CNTNAP4: variants seen among roughly 807,000 people sequenced by gnomAD.
The protein encoded by CNTNAP4 is contactin-associated protein-like 4.
In CNTNAP4, 98 loss-of-function variants were observed where a neutral mutation model predicts 148.4. The observed-to-expected ratio is 0.66, with a 90% CI of 0.56 to 0.78. The LOEUF (loss-of-function observed/expected upper bound fraction) is 0.78, where lower values mean the gene tolerates loss of function less well. CNTNAP4 is among the 30% of genes least tolerant of loss of function. The probability of loss-of-function intolerance (pLI) is 0.00; values close to 1 mark genes in which losing one functional copy is unlikely to be tolerated. For missense variants in CNTNAP4, 1,935 were observed against 1,565.6 expected (o/e 1.24, Z -3.98); for synonymous variants, 730 against 565.1 (o/e 1.29, Z -4.14).
At chr16:76,413,046 G>T (rs1005065709) in intron 3 of CNTNAP4, among the ~76,000 whole-genome samples, 3 of 151,340 alleles carry the variant, frequency 2.0e-5, no homozygotes, top group Non-Finnish European at 4.4e-5. Flanking sequence ...CATGCAGTGT[G>T]AACTAAGCAC....
intron 1 of CNTNAP4, among the ~76,000 whole-genome samples, chr16:76,285,819 T>A (rs1232820084): frequency 1.3e-5 from 2 of 151,960 alleles, no homozygotes; most frequent in Non-Finnish European, 2.9e-5. Flanking sequence ...TAGCAATTGG[T>A]TGTAAGCCTT....
At chr16:76,306,709 A>T (rs930555972) in intron 1 of CNTNAP4, among the ~76,000 whole-genome samples, 1 of 152,228 alleles carries the variant, frequency 6.6e-6, no homozygotes, top group Non-Finnish European at 1.5e-5. Flanking sequence ...TGCATTAAAG[A>T]CAGGCATATG....
chr16:76,350,579 C>T lies in CNTNAP4; in HGVS notation c.197-4739C>T, dbSNP rs150749087. 5.7e-4 allele frequency among the ~76,000 whole-genome samples: 87 copies of T among 152,214 alleles called. 1 individual carries two copies. Among genetic ancestry groups the T allele is most frequent in the African/African-American group, 2.0e-3 (83 of 41,550 alleles). ...CAAATAAAAGAGATGCTGTGTTTTG[C>T]GGTCAATCAGTTACAAAATTTTTTC... is the stretch of plus-strand genomic sequence containing the variant. On this transcript the variant is annotated intron_variant, in intron 2 of 23. Coordinates refer to ENST00000611870, the MANE Select transcript of CNTNAP4 (RefSeq NM_033401.5).
At chr16:76,436,087 G>A (rs1190019382) in intron 4 of CNTNAP4, among the ~76,000 whole-genome samples, 2 of 152,096 alleles carry the variant, frequency 1.3e-5, no homozygotes, top group Non-Finnish European at 2.9e-5. Flanking sequence ...AGAACAAACA[G>A]GGGTGTTGGG....
At chr16:76,308,524 TCA>T in intron 1 of CNTNAP4, among the ~76,000 whole-genome samples, 1 of 152,284 alleles carries the variant, frequency 6.6e-6, no homozygotes, top group East Asian at 1.9e-4. Context: ...GGGTGGGGTG[TCA>T]CACCACAAAA....
chr16:76,353,072 C>A (rs142977580), intron 2 of CNTNAP4, among the ~76,000 whole-genome samples: 2 of 152,226 alleles, frequency 1.3e-5, no homozygotes, highest in Non-Finnish European at 2.9e-5. Flanking sequence ...ATCACAGGTT[C>A]TTTAAGAACA....
chr16:76,483,557 G>A (rs1380475726), intron 12 of CNTNAP4, among the ~76,000 whole-genome samples: 2 of 152,128 alleles, frequency 1.3e-5, no homozygotes, highest in African/African-American at 2.4e-5. Flanking sequence ...TCTAACATAC[G>A]TGTTTTCTTT....
intron 18 of CNTNAP4, among the ~76,000 whole-genome samples, chr16:76,536,623 C>T (rs184444430): frequency 6.6e-6 from 1 of 152,152 alleles, no homozygotes; most frequent in East Asian, 1.9e-4. Context: ...AATATCGATG[C>T]ATTACAAAAA....
At chr16:76,536,161 T>G (rs1331351158) in intron 18 of CNTNAP4, among the ~76,000 whole-genome samples, 3 of 152,130 alleles carry the variant, frequency 2.0e-5, no homozygotes, top group African/African-American at 7.2e-5. Context: ...CATGGGGCAA[T>G]TCTTTATTTT....
In CNTNAP4 at chr16:76,338,745, T is replaced by C. The variant is rs565393969; in HGVS notation, c.197-16573T>C. Among the ~76,000 whole-genome samples, 72 of 152,312 alleles carry C rather than the reference T, an allele frequency of 4.7e-4. 1 individual carries two copies. The South Asian group carries it at 0.012, about 25-fold the overall frequency. On this transcript the variant is annotated intron_variant, in intron 2 of 23. Coordinates refer to ENST00000611870, the MANE Select transcript of CNTNAP4 (RefSeq NM_033401.5). Reference sequence around the variant, plus strand: ...ACTGTTTTCAGGGTTTGCCTGACTTTACCAGATCTTTGTAACCTTTCATAA... The same window carrying C: ...ACTGTTTTCAGGGTTTGCCTGACTTCACCAGATCTTTGTAACCTTTCATAA...
intron 15 of CNTNAP4, among the ~76,000 whole-genome samples, chr16:76,510,719 A>G (rs911515621): frequency 6.6e-6 from 1 of 151,898 alleles, no homozygotes; most frequent in Non-Finnish European, 1.5e-5. Flanking sequence ...TTTTTGAAAA[A>G]TTTTCTCAAC....
intron 3 of CNTNAP4, among the ~76,000 whole-genome samples, chr16:76,407,458 C>G (rs995229824): frequency 6.6e-6 from 1 of 151,778 alleles, no homozygotes. Flanking sequence ...ATTTGTAACT[C>G]ATGAGAGAAG....
In CNTNAP4 at chr16:76,307,514, A is replaced by G. The variant is rs1020854255; in HGVS notation, c.86-8899A>G. 8.4e-5 allele frequency among the ~76,000 whole-genome samples: 4 copies of G among 47,642 alleles called. 1 individual carries two copies. The highest frequency in any genetic ancestry group is 6.1e-4 in the Admixed American group (3 of 4,942). 31.3% of individuals were successfully genotyped at this position (47,642 alleles called of 152,430 possible). On this transcript the variant is annotated intron_variant, in intron 1 of 23. Transcript: ENST00000611870. ...ATCTATTTTAAATGCATATATATAT[A>G]TATATATATATATATATATATATAT... is the stretch of plus-strand genomic sequence containing the variant.
chr16:76,452,493 T>C lies in CNTNAP4; in HGVS notation c.1072-15T>C. On this transcript the variant is annotated splice_polypyrimidine_tract_variant and intron_variant, in intron 7 of 23. Transcript: ENST00000611870. ...AATAACATTCTGAAAGCTTTTTCTT[T>C]TACTTTATTCTCAGGGAAATGTGTC... 1 of 1,612,990 alleles carries C rather than the reference T, an allele frequency of 6.2e-7. No homozygotes were observed.
chr16:76,306,440 G>A (rs989313601), intron 1 of CNTNAP4, among the ~76,000 whole-genome samples: 10 of 152,176 alleles, frequency 6.6e-5, no homozygotes, highest in Middle Eastern at 6.8e-3. Flanking sequence ...AAAATCCCAC[G>A]TGAATGCAAT....
intron 4 of CNTNAP4, among the ~76,000 whole-genome samples, chr16:76,435,613 G>T (rs1427770779): frequency 6.6e-6 from 1 of 152,010 alleles, no homozygotes; most frequent in Admixed American, 6.6e-5. Flanking sequence ...GTTGGTCAAG[G>T]GTATATCTTC....
rs566538620 is a variant in CNTNAP4 at position 76,516,053 on chromosome 16, G to T, written c.2366-5087G>T. Among the ~76,000 whole-genome samples the T allele has an allele frequency of 3.1e-4, 47 of 152,162 alleles. No homozygotes were observed. The South Asian group carries it at 4.4e-3, about 14-fold the overall frequency. On this transcript the variant is annotated intron_variant, in intron 15 of 23. Transcript: ENST00000611870. ...ACCCGTCATCTAGGTTTTAAGCCCC[G>T]CATCCATTAGGTATTTGTCTTAATG...
At chr16:76,418,771 G>T (rs1198655115) in intron 3 of CNTNAP4, among the ~76,000 whole-genome samples, 1 of 149,900 alleles carries the variant, frequency 6.7e-6, no homozygotes, top group East Asian at 2.0e-4. Context: ...GTAATATTTT[G>T]TTGAAACCAA....
At chr16:76,425,485 A>C (rs1258380316) in intron 3 of CNTNAP4, among the ~76,000 whole-genome samples, 1 of 152,124 alleles carries the variant, frequency 6.6e-6, no homozygotes, top group Non-Finnish European at 1.5e-5. Context: ...GCTTTAGTAG[A>C]GTTTGTTTTC....
Sources: gnomAD v4.1 joint callset for allele counts (sites outside exome capture counted in the v4.1 genomes callset) on GRCh38, gnomAD v4.1.1 for gene constraint, MANE v1.5 for transcripts, NCBI Gene and HGNC (gene_info 2026-07-23, HGNC 2026-07-21) for gene names.